The following EPG5 variants were observed in gnomAD, a reference collection of about 807,000 sequenced individuals.
EPG5 encodes the protein ectopic P granules protein 5 homolog.
A neutral mutation model predicts 302.7 loss-of-function variants in EPG5; 159 were observed. The observed-to-expected ratio is 0.53, with a 90% CI of 0.46 to 0.60. The LOEUF (loss-of-function observed/expected upper bound fraction) is 0.60. EPG5 is among the 20% of genes least tolerant of loss of function. The pLI is 0.00. For synonymous variants in EPG5, 1,158 were observed against 1,136.8 expected (o/e 1.02, Z -0.37); for missense variants, 2,896 against 3,092.4 (o/e 0.94, Z 1.51).
chr18:45,913,875 AC>A, intron 20 of EPG5, 47 bp from the exon 21 acceptor site: 1 of 1,600,814 alleles, frequency 6.2e-7, no homozygotes, highest in Non-Finnish European at 8.5e-7. Flanking sequence ...AGCTCGCCCC[AC>A]TGACGAAATA....
In EPG5 at chr18:45,948,046, ATT is replaced by A. The variant is rs566197580; in HGVS notation, c.1571+455_1571+456del. Among the ~76,000 whole-genome samples the A allele has an allele frequency of 1.4e-3, 210 of 152,254 alleles. 1 individual carries two copies. Among genetic ancestry groups the A allele is most frequent in the African/African-American group, 4.8e-3 (199 of 41,554 alleles). On this transcript the variant is annotated intron_variant, in intron 6 of 43. Transcript: ENST00000282041. ...TGCCTCGGCCTCCCAAAGTACTGGG[ATT>A]ACAGGTGTGAGCCACCATGCCCAGT...
At chr18:45,966,084 A>G (rs1427494822) in intron 1 of EPG5, among the ~76,000 whole-genome samples, 25 of 149,414 alleles carry the variant, frequency 1.7e-4, no homozygotes, top group Admixed American at 2.0e-4. Flanking sequence ...AAACAAAACA[A>G]AACATAGGCT....
intron 1 of EPG5, among the ~76,000 whole-genome samples, chr18:45,960,526 T>TA (rs11458641): frequency 0.12 from 18,380 of 152,240 alleles, 1,538 homozygotes; most frequent in African/African-American, 0.24. Flanking sequence ...ACATACAGAT[T>TA]AAAAAACGAT....
Position 45,877,639 on chromosome 18 carries a change from A to G in EPG5, c.5942+737T>C, listed in dbSNP as rs552243359. 3.2e-4 allele frequency among the ~76,000 whole-genome samples: 49 copies of G among 152,292 alleles called. No individual in the cohort carries two copies. The South Asian group carries it at 9.7e-3, about 30-fold the overall frequency. ...TTATACTTTCCTTAAGTGGCTCGTA[A>G]AGCATCATGGGTTAATGCAAAGAGT... On this transcript the variant is annotated intron_variant, in intron 34 of 43. Coordinates refer to ENST00000282041, the MANE Select transcript of EPG5 (RefSeq NM_020964.3).
rs759228440 is a variant in EPG5, at chr18:45,954,488, A to G, written c.914T>C (p.Leu305Pro). The stretch of plus-strand genomic sequence containing the variant: ...AGTAAGCAGCTCAGCTTCAGCCAGC[A>G]GCAGTTGCTTCCTACATCGTGAGTA... ...LNYSRCRKQL[L>P]LAEAELLTLT... Residue 305 changes from leucine to proline, a missense_variant, in exon 2 of 44, where the codon CTG becomes CCG. By Grantham distance (98) the Leu-to-Pro change is moderately conservative. Transcript: ENST00000282041. 6.2e-7 allele frequency: 1 copy of G among 1,614,286 alleles called. No individual in the cohort carries two copies. Among genetic ancestry groups the G allele is most frequent in the Non-Finnish European group, 8.5e-7 (1 of 1,180,044 alleles).
At chr18:45,965,380 G>T (rs981630434) in intron 1 of EPG5, among the ~76,000 whole-genome samples, 2 of 152,070 alleles carry the variant, frequency 1.3e-5, no homozygotes, top group Non-Finnish European at 2.9e-5. Context: ...AAAATAATCT[G>T]CACACTAAAC....
chr18:45,868,255 G>A (rs986899631), intron 36 of EPG5: 6 of 447,754 alleles, frequency 1.3e-5, no homozygotes, highest in Non-Finnish European at 2.7e-5. Flanking sequence ...CCCAGGTAAT[G>A]CTGATGCTGC....
At chr18:45,838,380 C>T in the EPG5 span, 4 of 425,482 alleles carry the variant, frequency 9.4e-6, no homozygotes, top group Non-Finnish European at 1.2e-5. Context: ...AGTGGCTCTC[C>T]ACTCTAGCCC....
rs1363610947 is a variant in EPG5, at chr18:45,899,455, G to A, written c.4758C>T (p.Cys1586=). 1 of 1,614,136 alleles carries A rather than the reference G, an allele frequency of 6.2e-7. No homozygotes were observed. Among genetic ancestry groups the A allele is most frequent in the Admixed American group, 1.7e-5 (1 of 60,016 alleles). The change falls in exon 27 of 44, where the codon TGC becomes TGT. Residue 1586 remains cysteine, a synonymous_variant. Coordinates refer to ENST00000282041, the MANE Select transcript of EPG5 (RefSeq NM_020964.3). The stretch of plus-strand genomic sequence containing the variant: ...GGCATTTCTTACCGCTGCTGCCTCT[G>A]CACTCCAAATGTAGTGTGGTCTGTT... ...REEQTTLHLE[C]RGSSGKKCQG...
rs772433396 is a variant in EPG5 at position 45,882,336 on chromosome 18, G to T, written c.5456C>A (p.Thr1819Asn). The change falls in exon 31 of 44, where the codon ACT (threonine) becomes AAT (asparagine). Residue 1819 changes from threonine to asparagine, a missense_variant. Thr to Asn is a moderately conservative substitution (Grantham distance 65, BLOSUM62 0). This residue lies in a region of EPG5 where 790 missense variants were observed against 798.0 expected (regional missense o/e 0.99). Coordinates refer to ENST00000282041, the MANE Select transcript of EPG5 (RefSeq NM_020964.3). ...AGGAAACTGGTAGAGAAGAAGATAA[G>T]TCCAGTGCTTACAGAAAAGATTAAA... The part of the protein sequence containing the change: ...MPFNLFCKHW[T>N]YLLLYQFPDQ... 1.2e-6 allele frequency: 2 copies of T among 1,614,182 alleles called. No individual in the cohort carries two copies. The highest frequency in any genetic ancestry group is 2.2e-5 in the South Asian group (2 of 91,090).
At chr18:45,838,756 C>A in the EPG5 span, 1 of 1,582,056 alleles carries the variant, frequency 6.3e-7, no homozygotes, top group Non-Finnish European at 8.5e-7. Context: ...GCTGCCCAGT[C>A]CGGCTCACGC....
At chr18:45,845,452 C>T (rs1025092124), downstream of EPG5, among the ~76,000 whole-genome samples, 7 of 152,174 alleles carry the variant, frequency 4.6e-5, no homozygotes, top group Admixed American at 2.0e-4. Context: ...GGACAGCACT[C>T]GGCCCTCCCC....
the EPG5 span, among the ~76,000 whole-genome samples, chr18:45,808,100 C>A: frequency 4.6e-5 from 7 of 152,194 alleles, no homozygotes; most frequent in African/African-American, 1.7e-4. Context: ...AAAGTCTCAG[C>A]AATAGAATCG....
chr18:45,869,008 T>C, intron 36 of EPG5, among the ~76,000 whole-genome samples: 1 of 149,908 alleles, frequency 6.7e-6, no homozygotes. Context: ...TGAGCCAAGA[T>C]CGTGCCACTG....
intron 19 of EPG5, 39 bp downstream of exon 19, chr18:45,915,970 C>T: frequency 1.3e-6 from 2 of 1,539,984 alleles, no homozygotes; most frequent in Non-Finnish European, 1.8e-6. Flanking sequence ...CTTTATCTAG[C>T]CAATCACTGA....
the EPG5 span, among the ~76,000 whole-genome samples, chr18:45,827,937 G>C: frequency 6.6e-6 from 1 of 152,244 alleles, no homozygotes; most frequent in Non-Finnish European, 1.5e-5. Context: ...AGATTACTGA[G>C]TGCAGCCAAG....
chr18:45,837,411 G>A, the EPG5 span: 3 of 1,373,128 alleles, frequency 2.2e-6, no homozygotes, highest in Non-Finnish European at 2.8e-6. Context: ...TTCCAGGCTA[G>A]GGGTTGGGGG....
At chr18:45,868,207 T>A (rs559562326) in intron 36 of EPG5, 40 of 454,938 alleles carry the variant, frequency 8.8e-5, no homozygotes, top group African/African-American at 7.8e-4. Flanking sequence ...GAGCTTTTAA[T>A]TTTGCAGGTA....
the EPG5 span, among the ~76,000 whole-genome samples, chr18:45,806,003 A>G: frequency 6.6e-6 from 1 of 152,176 alleles, no homozygotes; most frequent in Non-Finnish European, 1.5e-5. Context: ...GCTACCAACT[A>G]CCTTTTTTAT....
Sources: gnomAD v4.1 joint callset for allele counts (sites outside exome capture counted in the v4.1 genomes callset) on GRCh38, gnomAD v4.1.1 for gene constraint, gnomAD v4.1.1 regional missense constraint, MANE v1.5 for transcripts, NCBI Gene and HGNC (gene_info 2026-07-23, HGNC 2026-07-21) for gene names.